The following PCDHA6 variants were observed in gnomAD, a reference collection of about 807,000 sequenced individuals.
The protein encoded by PCDHA6 is protocadherin alpha 6.
PCDHA6 carries 55 observed loss-of-function variants against 60.3 expected under a neutral mutation model. The observed-to-expected ratio is 0.91, with a 90% CI of 0.73 to 1.14. The LOEUF (loss-of-function observed/expected upper bound fraction) is 1.14. PCDHA6 is among the 50% of genes most tolerant of loss of function. The probability of loss-of-function intolerance (pLI) is 0.00; values close to 1 mark genes in which losing one functional copy is unlikely to be tolerated. For synonymous variants in PCDHA6, 652 were observed against 557.9 expected, an observed-to-expected ratio of 1.17 and a Z score of -2.38; for missense variants, 1,327 against 1,256.5, an observed-to-expected ratio of 1.06 and a Z score of -0.85.
Position 140,982,524 on chromosome 5 carries a change from C to T in PCDHA6, c.2503C>T (p.Pro835Ser). ...CATTCTACGGGCTGGTCCAGGAGGG[C>T]CTGATCAGCAGTGGCCAACAGTATC... ...AGILRAGPGG[P>S]DQQWPTVSSA... Residue 835 changes from proline to serine, a missense_variant, in exon 3 of 4, where the codon CCT (proline) becomes TCT (serine). Transcript: ENST00000529310. The T allele has an allele frequency of 6.2e-7, 1 of 1,614,170 alleles. No homozygotes were observed. Among genetic ancestry groups the T allele is most frequent in the Non-Finnish European group, 8.5e-7 (1 of 1,180,030 alleles).
chr5:140,934,534 GTTCTAA>G (rs1488792046), intron 1 of PCDHA6, among the ~76,000 whole-genome samples: 7 of 152,064 alleles, frequency 4.6e-5, no homozygotes, highest in Non-Finnish European at 7.4e-5. Flanking sequence ...GAGAGCTACC[GTTCTAA>G]TTCTATCATT....
At chr5:140,921,060 A>T (rs543644748) in intron 1 of PCDHA6, among the ~76,000 whole-genome samples, 11 of 152,040 alleles carry the variant, frequency 7.2e-5, no homozygotes, top group African/African-American at 2.7e-4. Flanking sequence ...GCTCACTCTA[A>T]CCTTGAACTC....
chr5:140,846,741 C>G (rs1466625417), intron 1 of PCDHA6, among the ~76,000 whole-genome samples: 1 of 149,290 alleles, frequency 6.7e-6, no homozygotes, highest in African/African-American at 2.5e-5. Flanking sequence ...AAATAGGACC[C>G]TTACAGATCT....
intron 1 of PCDHA6, among the ~76,000 whole-genome samples, chr5:140,924,669 C>T (rs2081944464): frequency 6.6e-6 from 1 of 151,998 alleles, no homozygotes; most frequent in African/African-American, 2.4e-5. Flanking sequence ...CCGAGGCAGG[C>T]CAATCACTTG....
chr5:140,987,363 T>C (rs1269772618), intron 3 of PCDHA6, among the ~76,000 whole-genome samples: 1 of 152,218 alleles, frequency 6.6e-6, no homozygotes, highest in Non-Finnish European at 1.5e-5. Flanking sequence ...GGTTGTCTTA[T>C]ATCATTACAG....
At chr5:140,936,833 A>G (rs186890408) in intron 1 of PCDHA6, among the ~76,000 whole-genome samples, 1 of 152,276 alleles carries the variant, frequency 6.6e-6, no homozygotes, top group East Asian at 1.9e-4. Context: ...GCATTTCTAT[A>G]TAAATTGTAG....
chr5:140,955,839 A>G (rs527318905), intron 1 of PCDHA6, among the ~76,000 whole-genome samples: 8 of 152,162 alleles, frequency 5.3e-5, no homozygotes, highest in African/African-American at 1.9e-4. Flanking sequence ...GTGGTTTGTC[A>G]TTCTCCTTGA....
At chr5:140,874,161 A>G (rs1173333729) in intron 1 of PCDHA6, among the ~76,000 whole-genome samples, 1 of 152,042 alleles carries the variant, frequency 6.6e-6, no homozygotes, top group Non-Finnish European at 1.5e-5. Context: ...ATTCTTGGTT[A>G]CTCTTTCCTG....
At chr5:140,977,104 A>C (rs2096746104) in intron 1 of PCDHA6, among the ~76,000 whole-genome samples, 1 of 152,242 alleles carries the variant, frequency 6.6e-6, no homozygotes, top group Admixed American at 6.5e-5. Flanking sequence ...TGGGGAAGTG[A>C]GATTGTATAA....
intron 1 of PCDHA6, among the ~76,000 whole-genome samples, chr5:140,977,702 A>C (rs1420121979): frequency 1.3e-5 from 2 of 152,190 alleles, no homozygotes; most frequent in African/African-American, 4.8e-5. Context: ...AATCTGTCTG[A>C]ATATTGAGAT....
intron 1 of PCDHA6, among the ~76,000 whole-genome samples, chr5:140,952,351 A>G (rs1217158530): frequency 8.3e-6 from 1 of 120,612 alleles, no homozygotes; most frequent in Non-Finnish European, 1.8e-5. Flanking sequence ...AAAAAAAAAA[A>G]AAAGAAAGAA....
chr5:140,995,709 G>C (rs1279829164), intron 3 of PCDHA6, among the ~76,000 whole-genome samples: 6 of 152,162 alleles, frequency 3.9e-5, no homozygotes, highest in African/African-American at 1.4e-4. Flanking sequence ...GCTGGGCTTG[G>C]AAATGTTCTT....
At chr5:140,958,301 TA>T (rs2095417556) in intron 1 of PCDHA6, among the ~76,000 whole-genome samples, 1 of 152,248 alleles carries the variant, frequency 6.6e-6, no homozygotes, top group African/African-American at 2.4e-5. Flanking sequence ...TGAACTTAAT[TA>T]AAATAAATTA....
At chr5:140,853,805 C>A in intron 1 of PCDHA6, 1 of 986,730 alleles carries the variant, frequency 1.0e-6, no homozygotes, top group Non-Finnish European at 1.2e-6. Flanking sequence ...TTTTAAAGCA[C>A]ACCTGAGATG....
rs554450758 is a variant in PCDHA6, at chr5:140,895,787, C to T, written c.2394+65302C>T. On this transcript the variant is annotated intron_variant, in intron 1 of 3. Coordinates refer to ENST00000529310, the MANE Select transcript of PCDHA6 (RefSeq NM_018909.4). ...TTTATGGCTGCATAGTATTCAATGA[C>T]GTATATGTACAATACTGTATTGTAT... 8.5e-5 allele frequency among the ~76,000 whole-genome samples: 13 copies of T among 152,124 alleles called. No homozygotes were observed. The South Asian group carries it at 2.1e-3, about 24-fold the overall frequency.
At chr5:140,938,897 G>T (rs72800999) in intron 1 of PCDHA6, among the ~76,000 whole-genome samples, 1 of 151,198 alleles carries the variant, frequency 6.6e-6, no homozygotes, top group East Asian at 1.9e-4. Context: ...ACACAGATGC[G>T]CACACACACA....
At chr5:140,966,860 TTGC>T (rs148181752) in intron 1 of PCDHA6, 30 of 1,577,282 alleles carry the variant, frequency 1.9e-5, no homozygotes, top group Middle Eastern at 1.7e-4. Context: ...CCTGCTGCTG[TTGC>T]TGCTGCTGCT....
intron 1 of PCDHA6, chr5:140,863,533 G>A: frequency 2.6e-6 from 1 of 389,860 alleles, no homozygotes; most frequent in Non-Finnish European, 5.0e-6. Flanking sequence ...TTCAGATTTT[G>A]GAGATGGACT....
chr5:140,903,146 C>A (rs2070035349), intron 1 of PCDHA6, among the ~76,000 whole-genome samples: 1 of 152,178 alleles, frequency 6.6e-6, no homozygotes, highest in South Asian at 2.1e-4. Flanking sequence ...AAACTGTTTT[C>A]CATAGTGGTT....
Sources: gnomAD v4.1 joint callset for allele counts (sites outside exome capture counted in the v4.1 genomes callset) on GRCh38, gnomAD v4.1.1 for gene constraint, MANE v1.5 for transcripts, NCBI Gene and HGNC (gene_info 2026-07-23, HGNC 2026-07-21) for gene names.